Variants in ZNF79 observed in about 807,000 individuals in gnomAD.
The protein encoded by ZNF79 is ZNFpT7.
Under a neutral mutation model 14.9 loss-of-function variants are expected in ZNF79, and 13 were observed. The ratio of observed to expected loss-of-function variants is 0.87; its 90% CI spans 0.57 to 1.38. The LOEUF (loss-of-function observed/expected upper bound fraction) is 1.38, where lower values mean the gene tolerates loss of function less well. ZNF79 is among the 40% of genes most tolerant of loss of function. The pLI is 0.00. For missense variants in ZNF79, 631 were observed against 630.6 expected (o/e 1.00, Z -0.01); for synonymous variants, 223 against 235.1 (o/e 0.95, Z 0.47).
intron 4 of ZNF79, among the ~76,000 whole-genome samples, chr9:127,443,630 G>A (rs759015680): frequency 5.9e-5 from 9 of 152,110 alleles, no homozygotes; most frequent in Non-Finnish European, 1.0e-4. Flanking sequence ...GGCTGGGCGC[G>A]GTGGCTCACG....
chr9:127,427,025 G>A (rs996071403), intron 1 of ZNF79, among the ~76,000 whole-genome samples: 1 of 152,038 alleles, frequency 6.6e-6, no homozygotes, highest in Non-Finnish European at 1.5e-5. Context: ...GTTTTCATTT[G>A]CTTTTCCCCA....
intron 2 of ZNF79, among the ~76,000 whole-genome samples, chr9:127,429,149 G>T (rs1833814962): frequency 6.6e-6 from 1 of 152,136 alleles, no homozygotes; most frequent in Non-Finnish European, 1.5e-5. Flanking sequence ...AGGTAGCTGG[G>T]ATTACAGGCA....
chr9:127,433,525 G>T (rs1833896208), intron 2 of ZNF79, among the ~76,000 whole-genome samples: 1 of 152,138 alleles, frequency 6.6e-6, no homozygotes, highest in Non-Finnish European at 1.5e-5. Flanking sequence ...TTTCCATCTG[G>T]CTACCCTTGT....
chr9:127,424,691 C>T lies in ZNF79; in HGVS notation c.-97C>T, dbSNP rs1351710443. 2 of 1,579,980 alleles carry T rather than the reference C, an allele frequency of 1.3e-6. No individual in the cohort carries two copies. Among genetic ancestry groups the T allele is most frequent in the South Asian group, 1.1e-5 (1 of 88,920 alleles). ...GAGAGGAAGAGTCCGGCCTGGGAGC[C>T]GTCAGAGCAGCCCTGCAGAACGGGG... On this transcript the variant is annotated 5_prime_UTR_variant, in exon 1 of 5. Coordinates refer to ENST00000342483, the MANE Select transcript of ZNF79 (RefSeq NM_007135.3).
At chr9:127,437,344 C>G (rs945899537) in intron 4 of ZNF79, among the ~76,000 whole-genome samples, 3 of 151,684 alleles carry the variant, frequency 2.0e-5, no homozygotes, top group Non-Finnish European at 4.4e-5. Context: ...CAAGGCCCCC[C>G]CCCGCTGCCT....
rs1833922582 is a variant in ZNF79 at position 127,435,084 on chromosome 9, T to C, written c.106-6T>C. The stretch of plus-strand genomic sequence containing the variant: ...CTGGCAAGATGAAATGTGCTTGTTT[T>C]TTCAGGGATCCACATTCTTCAGCAG... On this transcript the variant is annotated splice_polypyrimidine_tract_variant and splice_region_variant and intron_variant, in intron 2 of 4. Transcript: ENST00000342483. The C allele has an allele frequency of 6.2e-7, 1 of 1,605,436 alleles. No individual in the cohort carries two copies.
At chr9:127,425,759 A>G (rs967496447) in intron 1 of ZNF79, among the ~76,000 whole-genome samples, 5 of 152,078 alleles carry the variant, frequency 3.3e-5, no homozygotes, top group Admixed American at 2.0e-4. Flanking sequence ...AGTCCAGCTA[A>G]TTTTTGTATT....
chr9:127,440,770 A>T (rs1193780306), intron 4 of ZNF79, among the ~76,000 whole-genome samples: 1 of 152,188 alleles, frequency 6.6e-6, no homozygotes, highest in Non-Finnish European at 1.5e-5. Flanking sequence ...GAGAGGGGTC[A>T]GGACATATTT....
intron 2 of ZNF79, among the ~76,000 whole-genome samples, chr9:127,434,335 G>A (rs1307131633): frequency 6.6e-6 from 1 of 152,102 alleles, no homozygotes; most frequent in East Asian, 1.9e-4. Context: ...CTCTCCTGCT[G>A]TACTGGGTGA....
chr9:127,436,018 A>C lies in ZNF79; in HGVS notation c.328+15A>C. 6.2e-7 allele frequency: 1 copy of C among 1,612,480 alleles called. No homozygotes were observed. The highest frequency in any genetic ancestry group is 8.5e-7 in the Non-Finnish European group (1 of 1,178,486). ...TCCCTCTCCAGGTATGTGAGCAAGC[A>C]CTTAGCCAGTGGGAGTCTTGGGAGC... On this transcript the variant is annotated intron_variant, in intron 4 of 4. Transcript: ENST00000342483.
chr9:127,434,738 TC>T (rs1162682160), intron 2 of ZNF79, among the ~76,000 whole-genome samples: 1 of 152,144 alleles, frequency 6.6e-6, no homozygotes, highest in Non-Finnish European at 1.5e-5. Context: ...AACCTCTGCC[TC>T]CCGGGTTCAA....
chr9:127,434,122 G>T (rs952879144), intron 2 of ZNF79, among the ~76,000 whole-genome samples: 1 of 151,888 alleles, frequency 6.6e-6, no homozygotes, highest in African/African-American at 2.4e-5. Context: ...AACACACGAG[G>T]ACTGTGTCAC....
Position 127,444,027 on chromosome 9 carries a change from A to T in ZNF79, c.329-2A>T. The T allele has an allele frequency of 6.4e-7, 1 of 1,559,310 alleles. No homozygotes were observed. The highest frequency in any genetic ancestry group is 2.0e-5 in the Admixed American group (1 of 50,844). ...CACAACAGCTTTTCATTTTTTTTTC[A>T]GGCTGGAAGATTATATCTGGATCAC... On this transcript the variant is annotated splice_acceptor_variant, in intron 4 of 4. Coordinates refer to ENST00000342483, the MANE Select transcript of ZNF79 (RefSeq NM_007135.3). LOFTEE classifies it high-confidence loss of function.
At position 127,435,294 on chromosome 9, in the gene ZNF79, G is replaced by T. The variant is rs1423716553; in HGVS notation, c.232+78G>T. The T allele has an allele frequency of 3.4e-6, 5 of 1,464,036 alleles. No homozygotes were observed. The South Asian group carries it at 5.6e-5, about 16-fold the overall frequency. 90.7% of individuals were successfully genotyped at this position (1,464,036 alleles called of 1,614,324 possible). On this transcript the variant is annotated intron_variant, in intron 3 of 4. Coordinates refer to ENST00000342483, the MANE Select transcript of ZNF79 (RefSeq NM_007135.3). ...GGCACTTGCTTTCCAGCATGTAGGG[G>T]TTTCTGACTGGTGTGATGTACCAGA...
intron 3 of ZNF79, among the ~76,000 whole-genome samples, chr9:127,435,586 C>G (rs981365262): frequency 2.6e-5 from 4 of 152,132 alleles, no homozygotes; most frequent in Admixed American, 6.6e-5. Context: ...TTTTATGTAG[C>G]CTTGGCATGG....
rs567335386 is a variant in ZNF79, at chr9:127,438,624, C to T, written c.328+2621C>T. ...GTGAGGACACCTGGCAGAGCCTGTC[C>T]GTGCGGATTCTTCCTGGCCTCTGTG... On this transcript the variant is annotated intron_variant, in intron 4 of 4. Transcript: ENST00000342483. Among the ~76,000 whole-genome samples the T allele has an allele frequency of 5.3e-5, 8 of 152,260 alleles. No homozygotes were observed. The East Asian group carries it at 7.7e-4, about 15-fold the overall frequency.
At chr9:127,434,311 G>T (rs947902949) in intron 2 of ZNF79, among the ~76,000 whole-genome samples, 1 of 152,056 alleles carries the variant, frequency 6.6e-6, no homozygotes, top group African/African-American at 2.4e-5. Flanking sequence ...ACATTTGATT[G>T]TGCTCATACC....
chr9:127,426,573 A>G (rs1316085218), intron 1 of ZNF79, among the ~76,000 whole-genome samples: 1 of 152,094 alleles, frequency 6.6e-6, no homozygotes, highest in Non-Finnish European at 1.5e-5. Context: ...ACAGGGTTTC[A>G]CTGTGTTGGC....
Position 127,444,598 on chromosome 9 carries a change from AC to A in ZNF79, c.900del (p.Gly301GlufsTer105). 1.2e-6 allele frequency: 2 copies of A among 1,614,118 alleles called. No individual in the cohort carries two copies. Among genetic ancestry groups the A allele is most frequent in the Non-Finnish European group, 1.7e-6 (2 of 1,180,024 alleles). ...TCTTGTTCAGCATCAGAGAATTCATACCGGAGAGAAGCCCTACGAATGCAGC... is the reference window on the plus strand; with the variant it reads ...TCTTGTTCAGCATCAGAGAATTCATACGGAGAGAAGCCCTACGAATGCAGC... ...SALVQHQRIH[T>X]GEKPYECSDC... is the part of the protein sequence containing the mutation. On this transcript the variant is annotated frameshift_variant, in exon 5 of 5. Transcript: ENST00000342483. LOFTEE classifies it low-confidence loss of function (END_TRUNC).
Sources: gnomAD v4.1 joint callset for allele counts (sites outside exome capture counted in the v4.1 genomes callset) on GRCh38, gnomAD v4.1.1 for gene constraint, MANE v1.5 for transcripts, NCBI Gene and HGNC (gene_info 2026-07-23, HGNC 2026-07-21) for gene names.